The following ST6GAL2 variants were observed in gnomAD, a reference collection of about 807,000 sequenced individuals.
ST6GAL2 encodes the protein ST6 beta-galactoside alpha-2,6-sialyltransferase 2, also known as beta-galactoside alpha-2,6-sialyltransferase 2.
Under a neutral mutation model 37.5 loss-of-function variants are expected in ST6GAL2, and 24 were observed. That is an observed-to-expected ratio of 0.64 (90% confidence interval 0.46 to 0.90). The LOEUF is 0.90. Among genes scored for constraint, ST6GAL2 ranks in the 40% least tolerant of loss-of-function variants. The pLI is 0.00. For missense variants in ST6GAL2, 715 were observed against 712.7 expected (o/e 1.00, Z -0.04); for synonymous variants, 306 against 295.1 (o/e 1.04, Z -0.38).
chr2:106,862,481 T>C (rs1400450087), intron 1 of ST6GAL2, among the ~76,000 whole-genome samples: 1 of 152,192 alleles, frequency 6.6e-6, no homozygotes, highest in Admixed American at 6.5e-5. Context: ...AATCTATACC[T>C]AGAATTCATT....
chr2:106,825,781 G>T (rs377286042), intron 5 of ST6GAL2, among the ~76,000 whole-genome samples: 1 of 152,136 alleles, frequency 6.6e-6, no homozygotes, highest in Non-Finnish European at 1.5e-5. Flanking sequence ...CAAATTTTGG[G>T]TGGGCAGGAC....
chr2:106,844,052 G>A lies in ST6GAL2; in HGVS notation c.-57-18C>T. 1.6e-6 allele frequency: 2 copies of A among 1,273,282 alleles called. No individual in the cohort carries two copies. Among genetic ancestry groups the A allele is most frequent in the Non-Finnish European group, 2.2e-6 (2 of 923,546 alleles). The allele number at this position is 1,273,282 out of a possible 1,614,324, so 78.9% of individuals were successfully genotyped here. A position where few individuals can be genotyped will look rare whatever the true frequency, so the allele number is the denominator to read the frequency against. Reference sequence around the variant, plus strand: ...GAATGAACCTGAAAAACAGCCAGATGGCAGTTAGCCAACATGGGGCATCTG... The same window carrying A: ...GAATGAACCTGAAAAACAGCCAGATAGCAGTTAGCCAACATGGGGCATCTG... On this transcript the variant is annotated intron_variant, in intron 1 of 5. Transcript: ENST00000409382.
intron 1 of ST6GAL2, among the ~76,000 whole-genome samples, chr2:106,861,744 C>T (rs977073972): frequency 5.3e-5 from 8 of 151,960 alleles, no homozygotes; most frequent in African/African-American, 1.7e-4. Flanking sequence ...GATTCTCCCA[C>T]CTCAGCCTCC....
intron 1 of ST6GAL2, among the ~76,000 whole-genome samples, chr2:106,873,804 T>C (rs778073850): frequency 1.3e-5 from 2 of 152,240 alleles, no homozygotes; most frequent in Non-Finnish European, 2.9e-5. Context: ...AAGTGATTAG[T>C]GGCAACTCTG....
intron 5 of ST6GAL2, among the ~76,000 whole-genome samples, chr2:106,823,507 C>CGAGAGAGA (rs61605062): frequency 2.2e-5 from 3 of 137,222 alleles, no homozygotes; most frequent in South Asian, 2.4e-4. Context: ...AGAGAGAGAT[C>CGAGAGAGA]GAGAGAGAGA....
chr2:106,884,934 T>TATATATATATATATATATACAC (rs1425070594), intron 1 of ST6GAL2, among the ~76,000 whole-genome samples: 24 of 120,442 alleles, frequency 2.0e-4, no homozygotes, highest in Middle Eastern at 8.1e-3. Flanking sequence ...TATATATATA[T>TATATATATATATATATATACAC]ACATACACAC....
chr2:106,858,965 C>A (rs749329848), intron 1 of ST6GAL2, among the ~76,000 whole-genome samples: 1 of 152,126 alleles, frequency 6.6e-6, no homozygotes, highest in Admixed American at 6.6e-5. Flanking sequence ...GGTGTGCAGG[C>A]ATGGGAGTGG....
intron 5 of ST6GAL2, among the ~76,000 whole-genome samples, chr2:106,824,054 T>C (rs769088705): frequency 1.3e-5 from 2 of 152,170 alleles, no homozygotes; most frequent in African/African-American, 2.4e-5. Flanking sequence ...CAAATGTTAG[T>C]GAGAGAATGC....
rs1484260250 is a variant in ST6GAL2 at position 106,806,885 on chromosome 2, C to A, written c.1383G>T (p.Arg461=). 2 of 1,614,138 alleles carry A rather than the reference C, an allele frequency of 1.2e-6. No homozygotes were observed. The highest frequency in any genetic ancestry group is 2.2e-5 in the South Asian group (2 of 91,080). The change falls in exon 6 of 6, where the codon CGG becomes CGT. Residue 461 remains arginine, a synonymous_variant. Transcript: ENST00000409382. ...VHVYEYIPSV[R]QTELCHYHEL... ...CGTGGTAGTGGCACAGCTCCGTCTG[C>A]CGCACGGATGGGATATATTCATACA...
chr2:106,836,859 G>C (rs183817157), intron 2 of ST6GAL2, among the ~76,000 whole-genome samples: 1 of 143,660 alleles, frequency 7.0e-6, no homozygotes, highest in Admixed American at 7.2e-5. Context: ...AGGTAGAATT[G>C]CTTGAACCCA....
chr2:106,830,582 T>A (rs1418333047), intron 4 of ST6GAL2, among the ~76,000 whole-genome samples: 1 of 152,176 alleles, frequency 6.6e-6, no homozygotes, highest in East Asian at 1.9e-4. Flanking sequence ...AACGGTACCA[T>A]CGTAGCACGG....
intron 5 of ST6GAL2, among the ~76,000 whole-genome samples, chr2:106,819,770 T>G (rs904510206): frequency 6.6e-6 from 1 of 151,782 alleles, no homozygotes; most frequent in Non-Finnish European, 1.5e-5. Flanking sequence ...TGATCAAACA[T>G]AATAACTATA....
At chr2:106,862,607 G>A (rs4676307) in intron 1 of ST6GAL2, among the ~76,000 whole-genome samples, 133,189 of 152,144 alleles carry the variant, frequency 0.88, 58,441 homozygotes, top group East Asian at 0.98. Context: ...CTATGGGTTT[G>A]CACTGAATTA....
At chr2:106,826,989 C>T (rs145236045) in intron 5 of ST6GAL2, among the ~76,000 whole-genome samples, 22 of 152,238 alleles carry the variant, frequency 1.4e-4, no homozygotes, top group East Asian at 7.7e-4. Flanking sequence ...TCCTGCTGAC[C>T]GGTGTACCCA....
intron 1 of ST6GAL2, among the ~76,000 whole-genome samples, chr2:106,876,694 G>A (rs1017085168): frequency 6.6e-6 from 1 of 152,148 alleles, no homozygotes; most frequent in Non-Finnish European, 1.5e-5. Context: ...TTCAATTTAT[G>A]AAAATTCATC....
At chr2:106,882,368 C>T (rs1213889213) in intron 1 of ST6GAL2, among the ~76,000 whole-genome samples, 1 of 152,186 alleles carries the variant, frequency 6.6e-6, no homozygotes, top group Non-Finnish European at 1.5e-5. Flanking sequence ...AGGCACTTTA[C>T]CTTCCTGAGG....
intron 1 of ST6GAL2, among the ~76,000 whole-genome samples, chr2:106,871,107 G>A (rs1173844762): frequency 2.6e-5 from 4 of 152,160 alleles, no homozygotes; most frequent in African/African-American, 9.7e-5. Context: ...CTCCTAGGCT[G>A]CAAACGTGTA....
At chr2:106,865,399 T>C (rs899902428) in intron 1 of ST6GAL2, among the ~76,000 whole-genome samples, 3 of 152,158 alleles carry the variant, frequency 2.0e-5, no homozygotes, top group Admixed American at 6.5e-5. Context: ...AGGGGTGAAA[T>C]GTGGCTACAA....
chr2:106,844,289 G>T (rs903881341), intron 1 of ST6GAL2, among the ~76,000 whole-genome samples: 4 of 150,802 alleles, frequency 2.7e-5, no homozygotes, highest in African/African-American at 7.3e-5. Flanking sequence ...GAGAGGCGAT[G>T]GATGGGTGTA....
Sources: allele counts gnomAD v4.1 joint callset (sites outside exome capture counted in the v4.1 genomes callset), GRCh38; gene constraint gnomAD v4.1.1; transcripts MANE v1.5; gene names NCBI Gene and HGNC (gene_info 2026-07-23, HGNC 2026-07-21).